The following FDFT1 variants were observed in gnomAD, a reference collection of about 807,000 sequenced individuals.
FDFT1 encodes farnesyl-diphosphate farnesyltransferase 1.
Under a neutral mutation model 46.8 loss-of-function variants are expected in FDFT1, and 68 were observed. That is an observed-to-expected ratio of 1.45 (90% CI 1.19 to 1.78). FDFT1 has a LOEUF of 1.78. FDFT1 is among the 40% of genes most tolerant of loss of function. The pLI is 0.00. For missense variants in FDFT1, 928 were observed against 524.4 expected (o/e 1.77, Z -7.52); for synonymous variants, 351 against 185.1 (o/e 1.90, Z -7.28).
intron 7 of FDFT1, among the ~76,000 whole-genome samples, chr8:11,833,604 A>C (rs754509521): frequency 6.6e-6 from 1 of 152,146 alleles, no homozygotes; most frequent in Non-Finnish European, 1.5e-5. Context: ...TGTAATTCAT[A>C]GTTTGAGGGC....
intron 3 of FDFT1, 148 bp from the exon 4 acceptor site, chr8:11,821,598 AAAAC>A: frequency 4.5e-6 from 4 of 889,770 alleles, no homozygotes; most frequent in East Asian, 3.2e-5. Context: ...CTCAAAAACA[AAAAC>A]AAAAACAAAA....
In FDFT1 at chr8:11,831,686, A is replaced by G. The variant is rs377413679; in HGVS notation, c.1032+16A>G. The G allele has an allele frequency of 1.1e-5, 17 of 1,600,036 alleles. No individual in the cohort carries two copies. The highest frequency in any genetic ancestry group is 1.3e-5 in the African/African-American group (1 of 74,654). ...TATGGAAGAGGTGGGTTTTTATTTA[A>G]CTACTTGGATAATTTGTAGCTACTT... is the stretch of plus-strand genomic sequence containing the variant. On this transcript the variant is annotated intron_variant, in intron 7 of 7. Coordinates refer to ENST00000220584, the MANE Select transcript of FDFT1 (RefSeq NM_004462.5).
At chr8:11,829,152 G>C (rs1810423917) in intron 5 of FDFT1, among the ~76,000 whole-genome samples, 2 of 143,638 alleles carry the variant, frequency 1.4e-5, no homozygotes, top group African/African-American at 5.1e-5. Flanking sequence ...AGCACTTGTT[G>C]TTATCTCTTT....
At chr8:11,804,557 T>G (rs1806564641) in intron 1 of FDFT1, among the ~76,000 whole-genome samples, 1 of 151,722 alleles carries the variant, frequency 6.6e-6, no homozygotes, top group African/African-American at 2.4e-5. Context: ...GGAAATAAAT[T>G]GGAAAAATAC....
chr8:11,825,821 C>T (rs143994470), intron 4 of FDFT1, among the ~76,000 whole-genome samples: 2,117 of 152,242 alleles, frequency 0.014, 56 homozygotes, highest in African/African-American at 0.048. Flanking sequence ...AAATTCCCGT[C>T]AGCCAGAGAC....
At chr8:11,802,957 G>C (rs577085981) in intron 1 of FDFT1, 26 bp downstream of exon 1, 2 of 1,576,608 alleles carry the variant, frequency 1.3e-6, no homozygotes, top group East Asian at 4.6e-5. Flanking sequence ...CTGCTTGCCC[G>C]GGGCGGGGAA....
At chr8:11,807,339 T>G (rs1035872090) in intron 1 of FDFT1, among the ~76,000 whole-genome samples, 29 of 129,228 alleles carry the variant, frequency 2.2e-4, no homozygotes, top group Middle Eastern at 4.2e-3. Flanking sequence ...TTTAAAAACT[T>G]TTTTATGAAC....
intron 1 of FDFT1, among the ~76,000 whole-genome samples, chr8:11,805,660 TGA>T (rs1407183620): frequency 1.3e-4 from 19 of 151,614 alleles, no homozygotes; most frequent in African/African-American, 4.6e-4. Context: ...AAGAATTTTT[TGA>T]GTGTTTGGCT....
intron 1 of FDFT1, 131 bp downstream of exon 1, chr8:11,803,062 C>A (rs1337729451): frequency 6.9e-7 from 1 of 1,455,442 alleles, no homozygotes; most frequent in East Asian, 2.5e-5. Context: ...GTGTTCCCGT[C>A]CCCCTTTCCT....
upstream of FDFT1, among the ~76,000 whole-genome samples, chr8:11,797,278 T>C (rs1805654190): frequency 1.3e-5 from 2 of 152,172 alleles, no homozygotes; most frequent in African/African-American, 4.8e-5. Flanking sequence ...CAGCGGTTGT[T>C]TAAGCCATGG....
chr8:11,833,633 G>T (rs11250168), intron 7 of FDFT1, among the ~76,000 whole-genome samples: 32,599 of 152,186 alleles, frequency 0.21, 3,775 homozygotes, highest in East Asian at 0.44. Flanking sequence ...GCAGTCTACA[G>T]TTGGCTGAGC....
intron 1 of FDFT1, among the ~76,000 whole-genome samples, chr8:11,797,195 G>A (rs1451819459): frequency 1.3e-5 from 2 of 152,148 alleles, no homozygotes; most frequent in African/African-American, 2.4e-5. Context: ...CAATTTGGTC[G>A]GCTGTCTGAA....
intron 4 of FDFT1, among the ~76,000 whole-genome samples, chr8:11,824,943 G>A (rs913722962): frequency 1.3e-5 from 2 of 152,042 alleles, no homozygotes; most frequent in African/African-American, 4.8e-5. Context: ...CACCGTCTTA[G>A]CCAGGATGGT....
intron 3 of FDFT1, among the ~76,000 whole-genome samples, chr8:11,814,298 A>T (rs1013521480): frequency 7.2e-6 from 1 of 139,602 alleles, no homozygotes; most frequent in South Asian, 2.2e-4. Context: ...TTGATTTTAT[A>T]GGTTTTTTTT....
intron 3 of FDFT1, among the ~76,000 whole-genome samples, chr8:11,814,686 A>G (rs1482959154): frequency 6.6e-6 from 1 of 152,206 alleles, no homozygotes; most frequent in Admixed American, 6.5e-5. Flanking sequence ...TAGGGCTTGG[A>G]CTATGGAAAA....
chr8:11,830,030 T>C (rs575671565), intron 5 of FDFT1, among the ~76,000 whole-genome samples: 133 of 152,168 alleles, frequency 8.7e-4, no homozygotes, highest in African/African-American at 3.1e-3. Flanking sequence ...GTATTTTTAG[T>C]AGACACAGGG....
At chr8:11,809,616 A>C (rs773295714) in intron 2 of FDFT1, 51 bp from the exon 3 acceptor site, 5 of 1,511,438 alleles carry the variant, frequency 3.3e-6, no homozygotes, top group Non-Finnish European at 4.5e-6. Flanking sequence ...TTAAAATAAA[A>C]AATCTTTGGC....
At chr8:11,824,892 G>T (rs1809753719) in intron 4 of FDFT1, among the ~76,000 whole-genome samples, 1 of 152,044 alleles carries the variant, frequency 6.6e-6, no homozygotes, top group African/African-American at 2.4e-5. Flanking sequence ...CCCGCCACCA[G>T]GCCAGCTAAT....
At chr8:11,808,751 C>G (rs1563301275) in intron 1 of FDFT1, 43 bp from the exon 2 acceptor site, 2 of 1,601,910 alleles carry the variant, frequency 1.2e-6, no homozygotes, top group Admixed American at 3.4e-5. Flanking sequence ...CCCACTCCTG[C>G]TCCTCGACGT....
Sources: gnomAD v4.1 joint callset for allele counts (sites outside exome capture counted in the v4.1 genomes callset) on GRCh38, gnomAD v4.1.1 for gene constraint, MANE v1.5 for transcripts, NCBI Gene and HGNC (gene_info 2026-07-23, HGNC 2026-07-21) for gene names.